The following ZNF69 variants were observed in gnomAD, a reference collection of about 807,000 sequenced individuals.
The protein encoded by ZNF69 is ZNF3.
ZNF69 carries 47 observed loss-of-function variants against 50.9 expected under a neutral mutation model. The ratio of observed to expected loss-of-function variants is 0.92; its 90% confidence interval spans 0.73 to 1.18. The LOEUF is 1.18. Among genes scored for constraint, ZNF69 ranks in the 50% most tolerant of loss-of-function variants. The pLI is 0.00. For synonymous variants in ZNF69, 216 were observed against 223.1 expected (o/e 0.97, Z 0.29); for missense variants, 717 against 675.1 (o/e 1.06, Z -0.69).
At chr19:11,939,158 T>G in the ZNF69 span, among the ~76,000 whole-genome samples, 1 of 152,230 alleles carries the variant, frequency 6.6e-6, no homozygotes, top group Non-Finnish European at 1.5e-5. Flanking sequence ...TGTAAAAATT[T>G]TCTCCCATTC....
At chr19:11,902,161 T>C (rs966445090) in intron 1 of ZNF69, among the ~76,000 whole-genome samples, 5 of 152,016 alleles carry the variant, frequency 3.3e-5, no homozygotes, top group Non-Finnish European at 7.4e-5. Context: ...TTTGTATTTT[T>C]AGTAGAGACG....
intron 1 of ZNF69, among the ~76,000 whole-genome samples, chr19:11,902,951 C>G (rs367778251): frequency 6.6e-6 from 1 of 152,162 alleles, no homozygotes; most frequent in Non-Finnish European, 1.5e-5. Flanking sequence ...GTGGCTTTAG[C>G]CCTTGTTCAG....
chr19:11,914,010 G>A (rs929552252), exon 5 of ZNF69: 1 of 152,116 alleles, frequency 6.6e-6, no homozygotes, highest in Admixed American at 6.6e-5. Context: ...CATATGCCTG[G>A]TATGTGACAT....
At chr19:11,978,904 A>G in the ZNF69 span, 3 of 1,614,088 alleles carry the variant, frequency 1.9e-6, no homozygotes, top group East Asian at 2.2e-5. Context: ...TACAGATCCT[A>G]TCTTAGACAT....
At chr19:11,947,422 G>A in the ZNF69 span, 1 of 1,601,024 alleles carries the variant, frequency 6.2e-7, no homozygotes, top group Non-Finnish European at 8.5e-7. Context: ...AATAAATGAG[G>A]CATGGCTGCA....
Position 11,887,831 on chromosome 19 carries a change from C to T in ZNF69, c.-93C>T, listed in dbSNP as rs895948514. On this transcript the variant is annotated 5_prime_UTR_variant, in exon 1 of 4. Coordinates refer to ENST00000429654, the MANE Select transcript of ZNF69 (RefSeq NM_001364730.1). ...GTCGCATTCCTTACCTCACCTTTGT[C>T]CCTGCGCGGGCTGCGGCTGGGATCC... 1.4e-5 allele frequency: 16 copies of T among 1,168,610 alleles called. No homozygotes were observed. Among genetic ancestry groups the T allele is most frequent in the Admixed American group, 3.8e-5 (2 of 52,728 alleles). 72.4% of individuals were successfully genotyped at this position (1,168,610 alleles called of 1,614,324 possible). A position where few individuals can be genotyped will look rare whatever the true frequency, so the allele number is the denominator to read the frequency against.
chr19:11,980,077 A>T, the ZNF69 span: 13 of 1,049,808 alleles, frequency 1.2e-5, no homozygotes, highest in East Asian at 1.2e-4. Flanking sequence ...AGTGTAAGCA[A>T]TGTGGAAAAA....
intron 4 of ZNF69, among the ~76,000 whole-genome samples, chr19:11,912,836 T>C (rs1040952713): frequency 1.2e-4 from 18 of 152,332 alleles, no homozygotes; most frequent in East Asian, 3.9e-4. Context: ...TGAATACAGA[T>C]AATGAATGTA....
At chr19:11,936,687 G>A in the ZNF69 span, among the ~76,000 whole-genome samples, 1 of 152,252 alleles carries the variant, frequency 6.6e-6, no homozygotes, top group East Asian at 1.9e-4. Flanking sequence ...AAGCTCTTTA[G>A]TTTAATTAGA....
chr19:11,898,237 A>C (rs1946156915), intron 1 of ZNF69, among the ~76,000 whole-genome samples: 1 of 152,154 alleles, frequency 6.6e-6, no homozygotes, highest in Non-Finnish European at 1.5e-5. Flanking sequence ...ATTTTAACTC[A>C]GTTATGAACC....
the ZNF69 span, chr19:11,977,476 G>C: frequency 2.5e-6 from 4 of 1,596,906 alleles, no homozygotes; most frequent in African/African-American, 4.0e-5. Flanking sequence ...GATGATTTTA[G>C]TATATGATAA....
downstream of ZNF69, among the ~76,000 whole-genome samples, chr19:11,917,452 C>T (rs1270136395): frequency 1.3e-5 from 2 of 152,182 alleles, no homozygotes; most frequent in African/African-American, 2.4e-5. Flanking sequence ...GTGGGCCAGC[C>T]TGGCCTGTGT....
At chr19:11,945,108 C>A in the ZNF69 span, among the ~76,000 whole-genome samples, 4 of 152,224 alleles carry the variant, frequency 2.6e-5, no homozygotes, top group Non-Finnish European at 5.9e-5. Flanking sequence ...TTTTCTGACA[C>A]AGTGTAAAAG....
downstream of ZNF69, among the ~76,000 whole-genome samples, chr19:11,915,835 C>T (rs933995344): frequency 4.6e-5 from 7 of 152,058 alleles, no homozygotes; most frequent in Non-Finnish European, 8.8e-5. Flanking sequence ...ACTCACAAGG[C>T]GGAGGTTGCA....
chr19:11,943,701 C>T, the ZNF69 span, among the ~76,000 whole-genome samples: 1 of 151,950 alleles, frequency 6.6e-6, no homozygotes, highest in Non-Finnish European at 1.5e-5. Context: ...ACTAGAAAAC[C>T]GAAAGATTGT....
intron 1 of ZNF69, among the ~76,000 whole-genome samples, chr19:11,903,128 C>T (rs977398391): frequency 9.9e-5 from 15 of 151,712 alleles, no homozygotes; most frequent in East Asian, 2.0e-4. Context: ...CAGAACGAGA[C>T]GCTGTCTTAA....
intron 1 of ZNF69, among the ~76,000 whole-genome samples, chr19:11,900,146 G>C (rs1010136228): frequency 6.6e-6 from 1 of 151,966 alleles, no homozygotes; most frequent in Admixed American, 6.6e-5. Context: ...TAGAGACAGG[G>C]TTTCACCATG....
the ZNF69 span, among the ~76,000 whole-genome samples, chr19:11,965,759 C>T: frequency 6.6e-5 from 10 of 152,264 alleles, no homozygotes; most frequent in African/African-American, 2.4e-4. Flanking sequence ...GAGACCTTGG[C>T]AAGGGAAACA....
Position 11,904,911 on chromosome 19 carries a change from G to T in ZNF69, c.514G>T (p.Ala172Ser). The T allele has an allele frequency of 6.2e-7, 1 of 1,614,166 alleles. No homozygotes were observed. Among genetic ancestry groups the T allele is most frequent in the Non-Finnish European group, 8.5e-7 (1 of 1,180,030 alleles). ...ATGTAAGTGTCAACAACCTAAAAAA[G>T]CCTTCAGATATCACCCCTCCTTTAG... Reference protein sequence around the residue: ...KPCKCQQPKKAFRYHPSFRTP... With the variant: ...KPCKCQQPKKSFRYHPSFRTP... Residue 172 changes from alanine to serine, a missense_variant, in exon 4 of 4, where the codon GCC (alanine) becomes TCC (serine). Transcript: ENST00000429654.
Sources: allele counts gnomAD v4.1 joint callset (sites outside exome capture counted in the v4.1 genomes callset), GRCh38; gene constraint gnomAD v4.1.1; transcripts MANE v1.5; gene names NCBI Gene and HGNC (gene_info 2026-07-23, HGNC 2026-07-21).